The following MEF2D variants were observed in gnomAD, a reference collection of about 807,000 sequenced individuals.
MEF2D encodes the protein myocyte-specific enhancer factor 2D.
In MEF2D, 10 loss-of-function variants were observed where a neutral mutation model predicts 59.3. That is an observed-to-expected ratio of 0.17 (90% CI 0.10 to 0.29). The LOEUF is 0.29. Among genes scored for constraint, MEF2D ranks in the 10% least tolerant of loss-of-function variants. The pLI is 1.00. For synonymous variants in MEF2D, 305 were observed against 295.0 expected, an observed-to-expected ratio of 1.03 and a Z score of -0.35; for missense variants, 508 against 699.4, an observed-to-expected ratio of 0.73 and a Z score of 3.09.
intron 9 of MEF2D, among the ~76,000 whole-genome samples, chr1:156,469,743 C>T (rs1671109380): frequency 6.6e-6 from 1 of 151,948 alleles, no homozygotes; most frequent in African/African-American, 2.4e-5. Context: ...TAAAAATTAG[C>T]TAGGGTGGTG....
At chr1:156,491,638 T>C (rs1672803038) in intron 1 of MEF2D, among the ~76,000 whole-genome samples, 1 of 152,192 alleles carries the variant, frequency 6.6e-6, no homozygotes, top group South Asian at 2.1e-4. Flanking sequence ...GGAATGCCTA[T>C]CAGACCCACC....
rs558576724 is a variant in MEF2D at position 156,479,478 on chromosome 1, C to T, written c.607+108G>A. 4.1e-5 allele frequency: 61 copies of T among 1,493,048 alleles called. No individual in the cohort carries two copies. In the African/African-American group the frequency reaches 4.2e-4, roughly 10 times the overall value. The allele number at this position is 1,493,048 out of a possible 1,614,324, so 92.5% of individuals were successfully genotyped here. On this transcript the variant is annotated intron_variant, in intron 5 of 11. Coordinates refer to ENST00000348159, the MANE Select transcript of MEF2D (RefSeq NM_005920.4). ...CTTCCCTCAGGAGCCATACAAATGG[C>T]GGAATGCTGTGGTGGGTGAAGAGAA...
rs115105436 is a variant in MEF2D, at chr1:156,487,854, G to A, written c.-138-4424C>T. Among the ~76,000 whole-genome samples the A allele has an allele frequency of 4.3e-3, 662 of 152,354 alleles. 1 individual carries two copies. Among genetic ancestry groups the A allele is most frequent in the African/African-American group, 0.015 (641 of 41,572 alleles). ...GTCTGGTCTACTCCTCCTCTAGGAA[G>A]CCCTCGCAGATGATCCGGCCCTTGG... is the stretch of plus-strand genomic sequence containing the variant. On this transcript the variant is annotated intron_variant, in intron 1 of 11. Coordinates refer to ENST00000348159, the MANE Select transcript of MEF2D (RefSeq NM_005920.4).
intron 1 of MEF2D, among the ~76,000 whole-genome samples, chr1:156,489,179 G>A (rs1006050228): frequency 2.0e-5 from 3 of 152,188 alleles, no homozygotes; most frequent in Non-Finnish European, 4.4e-5. Context: ...GCTGCTCCGG[G>A]CTGCAGGCTG....
intron 9 of MEF2D, among the ~76,000 whole-genome samples, chr1:156,474,318 G>A (rs139282432): frequency 3.9e-5 from 6 of 152,208 alleles, no homozygotes; most frequent in East Asian, 1.9e-4. Context: ...GCATGGTGGC[G>A]CATGCCTGTA....
At chr1:156,499,826 C>T (rs1673374667) in intron 1 of MEF2D, among the ~76,000 whole-genome samples, 1 of 152,074 alleles carries the variant, frequency 6.6e-6, no homozygotes, top group Admixed American at 6.5e-5. Context: ...AAGGGTCCTG[C>T]GTGCCCACCT....
Position 156,479,791 on chromosome 1 carries a change from A to G in MEF2D, c.402T>C (p.Thr134=). 1 of 1,551,548 alleles carries G rather than the reference A, an allele frequency of 6.4e-7. No homozygotes were observed. The highest frequency in any genetic ancestry group is 8.7e-7 in the Non-Finnish European group (1 of 1,146,930). ...GCATGGCAAAGTTGGGGGCCGGGAC[A>G]GTTGACTAGACAGAAAGATGGAGGG... ...LDGLFRRYGS[T]VPAPNFAMPV... Residue 134 remains threonine (T), a synonymous_variant, in exon 5 of 12, where the codon ACT becomes ACC. Coordinates refer to ENST00000348159, the MANE Select transcript of MEF2D (RefSeq NM_005920.4).
intron 1 of MEF2D, among the ~76,000 whole-genome samples, chr1:156,499,730 CA>C (rs1415628527): frequency 6.6e-6 from 1 of 152,140 alleles, no homozygotes; most frequent in Non-Finnish European, 1.5e-5. Context: ...TGAACAGCTG[CA>C]AACTTCTGGC....
At position 156,468,866 on chromosome 1, in the gene MEF2D, C is replaced by T; in HGVS notation, c.1161G>A (p.Gln387=). ...QPPQQQPPQP[Q]QPQPQQPQQP... ...GCTGAGGCTGCTGTGGCTGTGGCTG[C>T]TGTGGCTGCGGTGGCTGCTGCTGTG... Residue 387 remains glutamine, a synonymous_variant, in exon 10 of 12, where the codon CAG becomes CAA. Transcript: ENST00000348159. The surrounding 1 kb of genome is among the most constrained non-coding windows in gnomAD (Gnocchi z 4.3). 1 of 1,613,634 alleles carries T rather than the reference C, an allele frequency of 6.2e-7. No homozygotes were observed. Among genetic ancestry groups the T allele is most frequent in the Non-Finnish European group, 8.5e-7 (1 of 1,179,778 alleles).
chr1:156,474,115 C>T (rs1313614438), intron 9 of MEF2D, among the ~76,000 whole-genome samples: 1 of 152,216 alleles, frequency 6.6e-6, no homozygotes, highest in East Asian at 1.9e-4. Flanking sequence ...CGTCCTCAGG[C>T]TGCAGGCTTT....
At chr1:156,475,633 C>T (rs569565872) in intron 8 of MEF2D, among the ~76,000 whole-genome samples, 3 of 152,214 alleles carry the variant, frequency 2.0e-5, no homozygotes, top group South Asian at 2.1e-4. Flanking sequence ...CTGGCATCTG[C>T]GAGGGGAATG....
At position 156,476,604 on chromosome 1, in the gene MEF2D, C is replaced by T. The variant is rs28730741; in HGVS notation, c.856-90G>A. 6.1e-4 allele frequency: 925 copies of T among 1,514,280 alleles called. 3 individuals are homozygous for T. The African/African-American group carries it at 0.011, about 18-fold the overall frequency. The allele number at this position is 1,514,280 out of a possible 1,614,324, so 93.8% of individuals were successfully genotyped here. A position where few individuals can be genotyped will look rare whatever the true frequency, so the allele number is the denominator to read the frequency against. On this transcript the variant is annotated intron_variant, in intron 7 of 11. Coordinates refer to ENST00000348159, the MANE Select transcript of MEF2D (RefSeq NM_005920.4). ...GTCCCCACAGCTGTTCCAGTCACCT[C>T]TCTGCATAAGAGTAGGGTGGCTCTA...
At chr1:156,499,885 C>T (rs1287427369) in intron 1 of MEF2D, among the ~76,000 whole-genome samples, 3 of 152,140 alleles carry the variant, frequency 2.0e-5, no homozygotes, top group Admixed American at 2.0e-4. Context: ...AAACACGGGC[C>T]CCGGAGACAC....
chr1:156,481,495 A>G (rs892268102), intron 3 of MEF2D, among the ~76,000 whole-genome samples: 7 of 152,100 alleles, frequency 4.6e-5, no homozygotes, highest in African/African-American at 1.7e-4. Flanking sequence ...GTGGAAAAGG[A>G]AAGGGGGATG....
At chr1:156,475,545 A>T (rs1231511022) in intron 8 of MEF2D, among the ~76,000 whole-genome samples, 1 of 152,208 alleles carries the variant, frequency 6.6e-6, no homozygotes, top group Non-Finnish European at 1.5e-5. Context: ...GAGGGAAGGG[A>T]GACATCGTCC....
At chr1:156,482,677 C>T in intron 2 of MEF2D, 37 bp from the exon 3 acceptor site, 2 of 1,598,106 alleles carry the variant, frequency 1.3e-6, no homozygotes, top group Non-Finnish European at 1.7e-6. Context: ...AGATCTGGCT[C>T]AGTTAAGGCC....
At chr1:156,483,176 G>A (rs1215422418) in intron 2 of MEF2D, 63 bp downstream of exon 2, 1 of 1,528,524 alleles carries the variant, frequency 6.5e-7, no homozygotes, top group Non-Finnish European at 9.1e-7. Context: ...TGCCTGAAGG[G>A]AGTAGAGGCA....
At chr1:156,480,999 G>C (rs762315125) in intron 3 of MEF2D, 28 bp from the exon 4 acceptor site, 1 of 1,611,086 alleles carries the variant, frequency 6.2e-7, no homozygotes, top group South Asian at 1.1e-5. Context: ...CCATCAGCTG[G>C]GTGAGAGTCC....
chr1:156,481,014 C>T (rs762472825), intron 3 of MEF2D, 43 bp from the exon 4 acceptor site: 8 of 1,608,760 alleles, frequency 5.0e-6, no homozygotes, highest in African/African-American at 2.7e-5. Flanking sequence ...GAGTCCTTCC[C>T]GCCCGCCTCG....
Sources: allele counts gnomAD v4.1 joint callset (sites outside exome capture counted in the v4.1 genomes callset), GRCh38; gene constraint gnomAD v4.1.1; non-coding constraint Gnocchi (gnomAD v3.1); transcripts MANE v1.5; gene names NCBI Gene and HGNC (gene_info 2026-07-23, HGNC 2026-07-21).